PRPF39: variants seen among roughly 807,000 people sequenced by gnomAD.
PRPF39 encodes the protein pre-mRNA processing factor 39, also known as pre-mRNA-processing factor 39.
A neutral mutation model predicts 82.1 loss-of-function variants in PRPF39; 27 were observed. The ratio of observed to expected loss-of-function variants is 0.33; its 90% CI spans 0.24 to 0.45. The LOEUF is 0.45. PRPF39 is among the 20% of genes least tolerant of loss of function. PRPF39 has a pLI of 1.00. For synonymous variants in PRPF39, 261 were observed against 256.4 expected, an observed-to-expected ratio of 1.02 and a Z score of -0.17; for missense variants, 581 against 796.9, an observed-to-expected ratio of 0.73 and a Z score of 3.26.
intron 1 of PRPF39, among the ~76,000 whole-genome samples, chr14:45,086,160 A>G (rs935186757): frequency 4.6e-5 from 7 of 152,098 alleles, no homozygotes; most frequent in African/African-American, 7.2e-5. Context: ...AGGCTGGTCT[A>G]GAACTCCTGA....
chr14:45,110,175 A>G lies in PRPF39; in HGVS notation c.1258A>G (p.Lys420Glu). 1.9e-6 allele frequency: 3 copies of G among 1,613,852 alleles called. No homozygotes were observed. Among genetic ancestry groups the G allele is most frequent in the Non-Finnish European group, 2.5e-6 (3 of 1,179,778 alleles). Residue 420 changes from lysine (K) to glutamate (E), a missense_variant, in exon 9 of 14, where the codon AAA becomes GAA. Transcript: ENST00000355765. The surrounding 1 kb of genome is among the most constrained non-coding windows in gnomAD (Gnocchi z 4.0). ...SRACTIHLPK[K>E]PMVHMLWAAF... ...AGCTTGTACTATACATCTCCCAAAG[A>G]AACCCATGGTGCATATGCTTTGGGC... is the stretch of plus-strand genomic sequence containing the variant.
At chr14:45,084,409 C>T (rs1883756247) in intron 1 of PRPF39, among the ~76,000 whole-genome samples, 160 bp downstream of exon 1, 1 of 152,212 alleles carries the variant, frequency 6.6e-6, no homozygotes, top group South Asian at 2.1e-4. Context: ...CCATTCCTTT[C>T]TCCTTCCCAC....
rs1387608006 is a variant in PRPF39, at chr14:45,110,553, T to C, written c.1308T>C (p.Asn436=). The C allele has an allele frequency of 1.9e-6, 3 of 1,557,206 alleles. No individual in the cohort carries two copies. The South Asian group carries it at 3.5e-5, about 18-fold the overall frequency. ...LWAAFEEQQG[N]INEARNILKT... is the part of the protein sequence containing the mutation. ...ACATTTAATTACTGTTTCTAGGTAA[T>C]ATTAATGAAGCCAGGAATATCTTGA... The change falls in exon 10 of 14, where the codon AAT becomes AAC. Residue 436 remains asparagine, a synonymous_variant. Transcript: ENST00000355765. This position sits in a 1 kb window ranked among gnomAD's most constrained non-coding sequence, Gnocchi z 4.0.
intron 2 of PRPF39, among the ~76,000 whole-genome samples, chr14:45,095,892 T>C (rs1298090063): frequency 1.3e-5 from 2 of 149,536 alleles, no homozygotes; most frequent in African/African-American, 4.9e-5. Context: ...TGTGTAGGTT[T>C]TTTTTTTTTT....
At chr14:45,105,734 C>G (rs1884510694) in intron 5 of PRPF39, among the ~76,000 whole-genome samples, 1 of 151,866 alleles carries the variant, frequency 6.6e-6, no homozygotes, top group Non-Finnish European at 1.5e-5. Flanking sequence ...GCGTGTTTGC[C>G]AGGCTGGTCT....
At chr14:45,106,711 A>G (rs1473306297) in intron 5 of PRPF39, among the ~76,000 whole-genome samples, 1 of 152,176 alleles carries the variant, frequency 6.6e-6, no homozygotes, top group Non-Finnish European at 1.5e-5. Context: ...TTCAAGCTGT[A>G]TGAATGAGAT....
Position 45,108,461 on chromosome 14 carries a change from A to G in PRPF39, c.950A>G (p.His317Arg). 1 of 1,601,398 alleles carries G rather than the reference A, an allele frequency of 6.2e-7. No individual in the cohort carries two copies. The highest frequency in any genetic ancestry group is 1.1e-5 in the South Asian group (1 of 88,444). The part of the protein sequence containing the change: ...ENMRHRIIEI[H>R]QEMFNYNEHE... ...ATGAGACATAGAATCATTGAGATTC[A>G]TCAAGAAATGTTTAATTATAATGAG... is the stretch of plus-strand genomic sequence containing the variant. The change falls in exon 7 of 14, where the codon CAT (histidine) becomes CGT (arginine). Residue 317 changes from histidine (H) to arginine (R), a missense_variant. Coordinates refer to ENST00000355765, the MANE Select transcript of PRPF39 (RefSeq NM_017922.4).
rs1333369110 is a variant in PRPF39 at position 45,095,609 on chromosome 14, T to C, written c.324+46T>C. 7 of 1,483,872 alleles carry C rather than the reference T, an allele frequency of 4.7e-6. No individual in the cohort carries two copies. In the East Asian group the frequency reaches 1.7e-4, roughly 36 times the overall value. The allele number at this position is 1,483,872 out of a possible 1,614,324, so 91.9% of individuals were successfully genotyped here. On this transcript the variant is annotated intron_variant, in intron 2 of 13. Transcript: ENST00000355765. ...TATCAGAAGGGACAAATTAATCAAG[T>C]CATTAATTTATAATGAAACAGTAGA...
intron 1 of PRPF39, 44 bp from the exon 2 acceptor site, chr14:45,095,177 A>G: frequency 7.6e-7 from 1 of 1,311,260 alleles, no homozygotes; most frequent in South Asian, 1.4e-5. Flanking sequence ...AAATAATTTT[A>G]TTGGCATTTG....
chr14:45,095,515 T>G lies in PRPF39; in HGVS notation c.276T>G (p.Pro92=). Residue 92 remains proline, a synonymous_variant, in exon 2 of 14, where the codon CCT becomes CCG. Coordinates refer to ENST00000355765, the MANE Select transcript of PRPF39 (RefSeq NM_017922.4). ...EKFWKTVENN[P]QDFTGWVYLL... is the part of the protein sequence containing the mutation. Reference sequence around the variant, plus strand: ...TTTGGAAAACTGTAGAAAATAATCCTCAGGATTTTACAGGCTGGGTATATT... The same window carrying G: ...TTTGGAAAACTGTAGAAAATAATCCGCAGGATTTTACAGGCTGGGTATATT... 1 of 1,612,384 alleles carries G rather than the reference T, an allele frequency of 6.2e-7. No individual in the cohort carries two copies. Among genetic ancestry groups the G allele is most frequent in the Non-Finnish European group, 8.5e-7 (1 of 1,179,078 alleles).
chr14:45,107,710 C>T (rs1307127844), intron 6 of PRPF39, 94 bp downstream of exon 6: 1 of 1,288,328 alleles, frequency 7.8e-7, no homozygotes, highest in Non-Finnish European at 1.1e-6. Flanking sequence ...AGGCGGGTCA[C>T]CTGAGGTCCG....
intron 3 of PRPF39, 32 bp downstream of exon 3, chr14:45,096,260 A>T (rs756893275): frequency 1.3e-6 from 2 of 1,559,764 alleles, no homozygotes; most frequent in East Asian, 2.3e-5. Flanking sequence ...CTTATCTCCA[A>T]TAGGTACTGT....
chr14:45,112,356 A>C lies in PRPF39; in HGVS notation c.1611A>C (p.Glu537Asp). Residue 537 changes from glutamate to aspartate, a missense_variant, in exon 11 of 14, where the codon GAA (glutamate) becomes GAC (aspartate). Physicochemically the swap from Glu to Asp is conservative, Grantham distance 45. Coordinates refer to ENST00000355765, the MANE Select transcript of PRPF39 (RefSeq NM_017922.4). ...TATACCTCAATTTACTTGAAATGGA[A>C]TATAGTGGTGACCTCAAACAAAATG... ...TKLYLNLLEMEYSGDLKQNEE... is the reference protein window; with the variant it reads ...TKLYLNLLEMDYSGDLKQNEE... 2 of 1,577,958 alleles carry C rather than the reference A, an allele frequency of 1.3e-6. No homozygotes were observed. The highest frequency in any genetic ancestry group is 2.7e-5 in the African/African-American group (2 of 72,764).
chr14:45,094,756 G>C (rs1884146294), intron 1 of PRPF39, among the ~76,000 whole-genome samples: 1 of 152,132 alleles, frequency 6.6e-6, no homozygotes, highest in South Asian at 2.1e-4. Flanking sequence ...CAAGTGATGA[G>C]CTTCCTTTTG....
In PRPF39 at chr14:45,084,662, A is replaced by AT. The variant is rs142089976; in HGVS notation, c.-20+414dup. Among the ~76,000 whole-genome samples the AT allele has an allele frequency of 6.4e-3, 968 of 152,262 alleles. 13 individuals are homozygous for AT. The highest frequency in any genetic ancestry group is 0.022 in the African/African-American group (914 of 41,566). On this transcript the variant is annotated intron_variant, in intron 1 of 13. Transcript: ENST00000355765. ...ATAATATACGTTCTATTACTAAGGC[A>AT]TGTGAGCGCCTTGTAGGGCACGTTC...
chr14:45,096,259 A>G lies in PRPF39; in HGVS notation c.450+31A>G, dbSNP rs1048378938. 4 of 1,561,554 alleles carry G rather than the reference A, an allele frequency of 2.6e-6. No individual in the cohort carries two copies. The African/African-American group carries it at 4.1e-5, about 16-fold the overall frequency. On this transcript the variant is annotated intron_variant, in intron 3 of 13. Coordinates refer to ENST00000355765, the MANE Select transcript of PRPF39 (RefSeq NM_017922.4). The stretch of plus-strand genomic sequence containing the variant: ...TACATCACTGAATAAACTTATCTCC[A>G]ATAGGTACTGTAAGCCAATTAATAA...
intron 1 of PRPF39, among the ~76,000 whole-genome samples, chr14:45,086,000 C>T (rs1259935842): frequency 1.3e-4 from 19 of 151,954 alleles, no homozygotes; most frequent in Admixed American, 1.2e-3. Flanking sequence ...GGCTGGAGTG[C>T]AATGGCGCTA....
rs1884160630 is a variant in PRPF39, at chr14:45,095,239, T to C, written c.-1T>C. 1 of 1,575,592 alleles carries C rather than the reference T, an allele frequency of 6.3e-7. No homozygotes were observed. Among genetic ancestry groups the C allele is most frequent in the South Asian group, 1.1e-5 (1 of 87,570 alleles). On this transcript the variant is annotated 5_prime_UTR_variant, in exon 2 of 14. Coordinates refer to ENST00000355765, the MANE Select transcript of PRPF39 (RefSeq NM_017922.4). ...TCCACAGATCGTTAACTGAAGACAA[T>C]ATGCAAAATTCTCACATGGATGAAT...
In PRPF39 at chr14:45,096,833, C is replaced by G. The variant is rs906589955; in HGVS notation, c.451-54C>G. ...TTCACCGGATAACACAGTGTTGCCTCTCTGTTAAGAAATAATTAAATATTT... is the reference window on the plus strand; with the variant it reads ...TTCACCGGATAACACAGTGTTGCCTGTCTGTTAAGAAATAATTAAATATTT... On this transcript the variant is annotated intron_variant, in intron 3 of 13. Coordinates refer to ENST00000355765, the MANE Select transcript of PRPF39 (RefSeq NM_017922.4). 9 of 1,535,656 alleles carry G rather than the reference C, an allele frequency of 5.9e-6. No homozygotes were observed. In the East Asian group the frequency reaches 1.5e-4, roughly 25 times the overall value.
Sources: gnomAD v4.1 joint callset for allele counts (sites outside exome capture counted in the v4.1 genomes callset) on GRCh38, gnomAD v4.1.1 for gene constraint, Gnocchi (gnomAD v3.1) non-coding constraint, MANE v1.5 for transcripts, NCBI Gene and HGNC (gene_info 2026-07-23, HGNC 2026-07-21) for gene names.